The following USP12 variants were observed in gnomAD, a reference collection of about 807,000 sequenced individuals.
USP12 encodes ubiquitin carboxyl-terminal hydrolase 12.
USP12 carries 19 observed loss-of-function variants against 45.5 expected under a neutral mutation model. The observed-to-expected ratio is 0.42, with a 90% CI of 0.29 to 0.61. The LOEUF is 0.61. USP12 is among the 20% of genes least tolerant of loss of function. The probability of loss-of-function intolerance (pLI) is 0.22; values close to 1 mark genes in which losing one functional copy is unlikely to be tolerated. For missense variants in USP12, 242 were observed against 447.7 expected (o/e 0.54, Z 4.15); for synonymous variants, 149 against 148.8 (o/e 1.00, Z -0.01).
At chr13:27,135,937 A>T (rs1161756136) in intron 1 of USP12, among the ~76,000 whole-genome samples, 1 of 152,136 alleles carries the variant, frequency 6.6e-6, no homozygotes, top group Non-Finnish European at 1.5e-5. Context: ...AACAGGGCTC[A>T]TTTTACATAA....
At chr13:27,159,435 T>TA (rs1385095524) in intron 1 of USP12, among the ~76,000 whole-genome samples, 1 of 152,222 alleles carries the variant, frequency 6.6e-6, no homozygotes, top group Non-Finnish European at 1.5e-5. Flanking sequence ...ATCAGGCATA[T>TA]AATTCTGGTG....
At chr13:27,138,755 T>C (rs1876924206) in intron 1 of USP12, among the ~76,000 whole-genome samples, 1 of 152,216 alleles carries the variant, frequency 6.6e-6, no homozygotes, top group Admixed American at 6.5e-5. Context: ...ATTTGCTATG[T>C]TTCAGGTAGT....
At chr13:27,157,202 T>A (rs1034947380) in intron 1 of USP12, among the ~76,000 whole-genome samples, 5 of 152,234 alleles carry the variant, frequency 3.3e-5, no homozygotes, top group African/African-American at 9.6e-5. Flanking sequence ...GGTAATCATG[T>A]TTTGTTGGTT....
intron 1 of USP12, chr13:27,170,079 T>C (rs1002373041): frequency 5.3e-6 from 2 of 375,728 alleles, no homozygotes. Context: ...TAAAAATAAT[T>C]AGCCCAAACA....
rs890767682 is a variant in USP12, at chr13:27,066,444, G to T, written c.*2839C>A. On this transcript the variant is annotated 3_prime_UTR_variant, in exon 9 of 9. Transcript: ENST00000282344. ...ATCTTTAATAAAAAGTGTTTTTAAA[G>T]AAAGTATCAAGAGTAGTTATGTTAT... The T allele has an allele frequency of 6.6e-6, 1 of 152,106 alleles. No homozygotes were observed. Among genetic ancestry groups the T allele is most frequent in the Non-Finnish European group, 1.5e-5 (1 of 68,028 alleles). The allele number at this position is 152,106 out of a possible 1,614,324, so 9.4% of individuals were successfully genotyped here.
At chr13:27,105,687 T>G in intron 3 of USP12, 44 bp downstream of exon 3, 1 of 1,564,076 alleles carries the variant, frequency 6.4e-7, no homozygotes, top group Non-Finnish European at 8.8e-7. Context: ...ACACTATATT[T>G]AACCTTCCTA....
At chr13:27,113,882 G>C (rs1261862479) in intron 2 of USP12, among the ~76,000 whole-genome samples, 1 of 152,112 alleles carries the variant, frequency 6.6e-6, no homozygotes, top group Non-Finnish European at 1.5e-5. Context: ...AGAGACATTT[G>C]CCTAATGAAC....
chr13:27,073,511 G>A lies in USP12; in HGVS notation c.932+1680C>T, dbSNP rs75453028. Among the ~76,000 whole-genome samples the A allele has an allele frequency of 7.0e-3, 1,066 of 152,178 alleles. 15 individuals are homozygous for A. Among genetic ancestry groups the A allele is most frequent in the African/African-American group, 0.024 (1,009 of 41,518 alleles). ...GGATTTAAGGCTGGGGAAAGAGTTG[G>A]GTTAATTTTAAAAGGGGAGAGTGGG... On this transcript the variant is annotated intron_variant, in intron 7 of 8. Coordinates refer to ENST00000282344, the MANE Select transcript of USP12 (RefSeq NM_182488.4).
intron 1 of USP12, among the ~76,000 whole-genome samples, chr13:27,136,565 A>G (rs761261097): frequency 6.6e-6 from 1 of 152,214 alleles, no homozygotes; most frequent in Non-Finnish European, 1.5e-5. Context: ...TTCTTCTTCA[A>G]TGGAGAGAAT....
At chr13:27,163,808 C>G (rs1878233901) in intron 1 of USP12, among the ~76,000 whole-genome samples, 1 of 148,146 alleles carries the variant, frequency 6.8e-6, no homozygotes, top group Non-Finnish European at 1.5e-5. Flanking sequence ...AGAAAAGAAG[C>G]TACAGGTAAG....
intron 4 of USP12, among the ~76,000 whole-genome samples, chr13:27,094,869 C>T (rs549448893): frequency 1.3e-5 from 2 of 152,168 alleles, no homozygotes; most frequent in African/African-American, 4.8e-5. Flanking sequence ...CATGACTGGC[C>T]GGGCATAATG....
In USP12 at chr13:27,079,803, C is replaced by T. The variant is rs74972967; in HGVS notation, c.735-4415G>A. Among the ~76,000 whole-genome samples, 921 of 152,308 alleles carry T rather than the reference C, an allele frequency of 6.0e-3. 12 individuals carry two copies. The highest frequency in any genetic ancestry group is 0.021 in the African/African-American group (867 of 41,560). On this transcript the variant is annotated intron_variant, in intron 6 of 8. Coordinates refer to ENST00000282344, the MANE Select transcript of USP12 (RefSeq NM_182488.4). The stretch of plus-strand genomic sequence containing the variant: ...AGGCACTTAAGAACTTACCAACATC[C>T]TGTCAGCAGAGAAGTCCTGACCACA...
chr13:27,161,582 G>A (rs1593216921), intron 1 of USP12, among the ~76,000 whole-genome samples: 1 of 152,226 alleles, frequency 6.6e-6, no homozygotes, highest in African/African-American at 2.4e-5. Context: ...AGTGTTTACT[G>A]CCATCAGAAG....
chr13:27,104,661 A>G (rs1875042840), intron 3 of USP12, among the ~76,000 whole-genome samples: 1 of 152,228 alleles, frequency 6.6e-6, no homozygotes, highest in South Asian at 2.1e-4. Context: ...AAACGTATCA[A>G]ATTCAAGAAT....
chr13:27,146,441 C>T (rs1478492071), intron 1 of USP12, among the ~76,000 whole-genome samples: 1 of 151,264 alleles, frequency 6.6e-6, no homozygotes, highest in Non-Finnish European at 1.5e-5. Context: ...CGGCTAAAGG[C>T]TAGGGGTATA....
rs1419181469 is a variant in USP12, at chr13:27,067,655, A to G, written c.*1628T>C. The G allele has an allele frequency of 4.6e-5, 7 of 152,204 alleles. No individual in the cohort carries two copies. The highest frequency in any genetic ancestry group is 1.7e-4 in the African/African-American group (7 of 41,452). 9.4% of individuals were successfully genotyped at this position (152,204 alleles called of 1,614,324 possible). ...CCAAAAGATACAGATAATAAATGTT[A>G]ATAATAGCAGCAGACTAAAAAATTC... On this transcript the variant is annotated 3_prime_UTR_variant, in exon 9 of 9. Transcript: ENST00000282344.
intron 6 of USP12, chr13:27,077,211 T>C (rs542280206): frequency 1.3e-5 from 2 of 152,156 alleles, no homozygotes; most frequent in Non-Finnish European, 2.9e-5. Flanking sequence ...AATTCAACTA[T>C]GAAACATCAG....
chr13:27,073,534 G>T (rs920483184), intron 7 of USP12, among the ~76,000 whole-genome samples: 6 of 152,108 alleles, frequency 3.9e-5, no homozygotes, highest in Non-Finnish European at 8.8e-5. Context: ...AGGGGAGAGT[G>T]GGGAGGGGAC....
chr13:27,141,754 A>G (rs781430787), intron 1 of USP12, among the ~76,000 whole-genome samples: 1 of 152,218 alleles, frequency 6.6e-6, no homozygotes, highest in Non-Finnish European at 1.5e-5. Flanking sequence ...CAGTCCTACT[A>G]CTAGTAGAGG....
Sources: allele counts gnomAD v4.1 joint callset (sites outside exome capture counted in the v4.1 genomes callset), GRCh38; gene constraint gnomAD v4.1.1; transcripts MANE v1.5; gene names NCBI Gene and HGNC (gene_info 2026-07-23, HGNC 2026-07-21).